The following CNTN5 variants were observed in gnomAD, a reference collection of about 807,000 sequenced individuals.
CNTN5 encodes the protein contactin 5.
Under a neutral mutation model 129.1 loss-of-function variants are expected in CNTN5, and 77 were observed. The observed-to-expected ratio is 0.60, with a 90% CI of 0.50 to 0.72. The LOEUF is 0.72. CNTN5 is among the 30% of genes least tolerant of loss of function. CNTN5 has a pLI of 0.00. For missense variants in CNTN5, 1,478 were observed against 1,328.8 expected, an observed-to-expected ratio of 1.11 and a Z score of -1.75; for synonymous variants, 509 against 465.6, an observed-to-expected ratio of 1.09 and a Z score of -1.20.
intron 18 of CNTN5, among the ~76,000 whole-genome samples, chr11:100,289,130 C>A (rs1310485445): frequency 6.6e-6 from 1 of 151,746 alleles, no homozygotes; most frequent in African/African-American, 2.4e-5. Context: ...GTTTACCAAC[C>A]AAAAAGAGTC....
intron 2 of CNTN5, among the ~76,000 whole-genome samples, chr11:99,336,246 TTG>T (rs1272310026): frequency 1.3e-5 from 2 of 152,174 alleles, no homozygotes; most frequent in Admixed American, 6.5e-5. Flanking sequence ...TTTCACTTTT[TTG>T]TGTGATGAGC....
intron 6 of CNTN5, among the ~76,000 whole-genome samples, chr11:99,856,756 A>G (rs1052654969): frequency 2.6e-5 from 4 of 152,146 alleles, no homozygotes; most frequent in African/African-American, 9.7e-5. Context: ...TGGTTACCAT[A>G]CCCCAATAAA....
At chr11:99,072,369 G>T (rs1378233372) in intron 1 of CNTN5, among the ~76,000 whole-genome samples, 1 of 152,074 alleles carries the variant, frequency 6.6e-6, no homozygotes, top group Non-Finnish European at 1.5e-5. Context: ...GAAAAAAAAT[G>T]ATGTCATTGG....
intron 2 of CNTN5, among the ~76,000 whole-genome samples, chr11:99,382,845 CTTTTTTT>C (rs1163660333): frequency 0.014 from 1,109 of 76,912 alleles, 19 homozygotes; most frequent in Non-Finnish European, 0.018. Flanking sequence ...CTCTAAATAA[CTTTTTTT>C]TTTTTTTTTT....
At chr11:99,899,586 T>C (rs765316339) in intron 6 of CNTN5, among the ~76,000 whole-genome samples, 3 of 152,048 alleles carry the variant, frequency 2.0e-5, no homozygotes. Context: ...CATTTGATCA[T>C]GGCAAATTAT....
intron 2 of CNTN5, among the ~76,000 whole-genome samples, chr11:99,462,721 C>T (rs547680066): frequency 6.6e-6 from 1 of 152,264 alleles, no homozygotes; most frequent in East Asian, 1.9e-4. Context: ...CACTTACTGG[C>T]TGCTACCTCA....
At chr11:99,179,479 CA>C in intron 1 of CNTN5, among the ~76,000 whole-genome samples, 1 of 151,898 alleles carries the variant, frequency 6.6e-6, no homozygotes. Flanking sequence ...TAAACAAAAA[CA>C]AACATAAAAA....
chr11:99,856,029 A>G lies in CNTN5; in HGVS notation c.577+10767A>G, dbSNP rs77417615. ...GCTAAACTGATAATTTTCCCATTTT[A>G]AAAAATGCAGAGAGAAGTAAGAGGA... is the stretch of plus-strand genomic sequence containing the variant. On this transcript the variant is annotated intron_variant, in intron 6 of 24. Coordinates refer to ENST00000524871, the MANE Select transcript of CNTN5 (RefSeq NM_014361.4). Among the ~76,000 whole-genome samples the G allele has an allele frequency of 7.4e-3, 1,132 of 152,306 alleles. 29 individuals carry two copies. The East Asian group carries it at 0.1, about 14-fold the overall frequency.
rs1018938385 is a variant in CNTN5 at position 99,560,384 on chromosome 11, C to T, written c.55+4115C>T. ...CTCAGCTCACTGCCATCTCTGCCTC[C>T]GGGTTCAAGAAATTCTCCTGCCTCA... On this transcript the variant is annotated intron_variant, in intron 3 of 24. Transcript: ENST00000524871. 5.3e-5 allele frequency among the ~76,000 whole-genome samples: 8 copies of T among 151,636 alleles called. 1 individual carries two copies. Among genetic ancestry groups the T allele is most frequent in the African/African-American group, 1.9e-4 (8 of 41,280 alleles).
In CNTN5 at chr11:99,202,521, T is replaced by C. The variant is rs1289755155; in HGVS notation, c.-209-122825T>C. ...AATACTAAAAGTAAAATCAAGGACATCTTAAGATGGCTTTAATTAACATTC... is the reference window on the plus strand; with the variant it reads ...AATACTAAAAGTAAAATCAAGGACACCTTAAGATGGCTTTAATTAACATTC... On this transcript the variant is annotated intron_variant, in intron 1 of 24. Coordinates refer to ENST00000524871, the MANE Select transcript of CNTN5 (RefSeq NM_014361.4). Among the ~76,000 whole-genome samples the C allele has an allele frequency of 2.0e-5, 3 of 152,158 alleles. No individual in the cohort carries two copies. In the East Asian group the frequency reaches 5.8e-4, roughly 29 times the overall value.
chr11:100,071,659 GTTAT>G, intron 11 of CNTN5, 42 bp from the exon 12 acceptor site: 1 of 1,437,892 alleles, frequency 7.0e-7, no homozygotes. Context: ...TAAAATCCAT[GTTAT>G]TTGTTTACTT....
chr11:100,005,541 C>G (rs1940139042), intron 9 of CNTN5, among the ~76,000 whole-genome samples: 1 of 152,162 alleles, frequency 6.6e-6, no homozygotes, highest in East Asian at 1.9e-4. Context: ...AGGTTGGCAA[C>G]AGCAAATCTC....
At chr11:99,144,651 A>G (rs1376106343) in intron 1 of CNTN5, among the ~76,000 whole-genome samples, 1 of 152,084 alleles carries the variant, frequency 6.6e-6, no homozygotes, top group Non-Finnish European at 1.5e-5. Flanking sequence ...ACGTTATTTC[A>G]AAACACCTGT....
intron 2 of CNTN5, among the ~76,000 whole-genome samples, chr11:99,384,779 T>C (rs1180113501): frequency 1.3e-5 from 2 of 152,198 alleles, no homozygotes; most frequent in Admixed American, 1.3e-4. Context: ...CAAATAATAA[T>C]TGTATATATG....
At chr11:99,624,427 A>G (rs1951058776) in intron 3 of CNTN5, among the ~76,000 whole-genome samples, 2 of 151,994 alleles carry the variant, frequency 1.3e-5, no homozygotes, top group Admixed American at 6.6e-5. Flanking sequence ...ATAATTTACA[A>G]GTTGCATTTG....
In CNTN5 at chr11:99,250,976, A is replaced by G. The variant is rs548835448; in HGVS notation, c.-209-74370A>G. On this transcript the variant is annotated intron_variant, in intron 1 of 24. Coordinates refer to ENST00000524871, the MANE Select transcript of CNTN5 (RefSeq NM_014361.4). ...TTATAGATTTCCCCAGGGTAAAACA[A>G]TTAGACTTGGGAAAAGAAACTATTG... is the stretch of plus-strand genomic sequence containing the variant. Among the ~76,000 whole-genome samples, 235 of 152,052 alleles carry G rather than the reference A, an allele frequency of 1.5e-3. 1 individual carries two copies. The highest frequency in any genetic ancestry group is 5.6e-3 in the African/African-American group (232 of 41,556).
chr11:99,563,267 G>A (rs1029585408), intron 3 of CNTN5, among the ~76,000 whole-genome samples: 5 of 152,094 alleles, frequency 3.3e-5, no homozygotes, highest in Admixed American at 1.3e-4. Context: ...AAACCCCAGC[G>A]TTACGGCAGT....
At chr11:99,881,990 G>A (rs111628400) in intron 6 of CNTN5, among the ~76,000 whole-genome samples, 1 of 152,158 alleles carries the variant, frequency 6.6e-6, no homozygotes, top group Non-Finnish European at 1.5e-5. Flanking sequence ...CCTGAATGGG[G>A]ACAACAGAAG....
At chr11:99,572,374 A>G (rs1418210894) in intron 3 of CNTN5, among the ~76,000 whole-genome samples, 2 of 152,264 alleles carry the variant, frequency 1.3e-5, no homozygotes, top group African/African-American at 2.4e-5. Context: ...CCTGTGCTAG[A>G]TGCAGCCTGC....
Sources: allele counts gnomAD v4.1 joint callset (sites outside exome capture counted in the v4.1 genomes callset), GRCh38; gene constraint gnomAD v4.1.1; transcripts MANE v1.5; gene names NCBI Gene and HGNC (gene_info 2026-07-23, HGNC 2026-07-21).